Variants in SGCG observed in about 807,000 individuals in gnomAD.
SGCG encodes the protein sarcoglycan gamma, also known as gamma-sarcoglycan.
Under a neutral mutation model 29.3 loss-of-function variants are expected in SGCG, and 26 were observed. The observed-to-expected ratio is 0.89, with a 90% CI of 0.65 to 1.23. The LOEUF (loss-of-function observed/expected upper bound fraction) is 1.23. SGCG is among the 50% of genes most tolerant of loss of function. The pLI is 0.00. For missense variants in SGCG, 353 were observed against 356.0 expected (o/e 0.99, Z 0.07); for synonymous variants, 145 against 129.7 (o/e 1.12, Z -0.80).
At chr13:23,292,120 T>C (rs1416646648) in intron 5 of SGCG, among the ~76,000 whole-genome samples, 2 of 111,540 alleles carry the variant, frequency 1.8e-5, no homozygotes, top group Non-Finnish European at 4.0e-5. Flanking sequence ...CATTTCTTTC[T>C]TTTTTTTGAG....
intron 7 of SGCG, among the ~76,000 whole-genome samples, chr13:23,321,447 A>C (rs1883038870): frequency 6.6e-6 from 1 of 152,230 alleles, no homozygotes; most frequent in Admixed American, 6.5e-5. Context: ...ACTCACAATA[A>C]AATGAAGTGA....
At chr13:23,262,761 A>G (rs898172572) in intron 4 of SGCG, among the ~76,000 whole-genome samples, 1 of 152,044 alleles carries the variant, frequency 6.6e-6, no homozygotes, top group Non-Finnish European at 1.5e-5. Flanking sequence ...TAGGCCACAA[A>G]CCAAGTCTCA....
At position 23,296,933 on chromosome 13, in the gene SGCG, T is replaced by C. The variant is rs543344076; in HGVS notation, c.578+1446T>C. The stretch of plus-strand genomic sequence containing the variant: ...AAACCAAATAATATTTTAAATGGTC[T>C]TAAAGTTCATGCTATCACTTAAAAT... On this transcript the variant is annotated intron_variant, in intron 6 of 7. Transcript: ENST00000218867. Among the ~76,000 whole-genome samples, 5 of 152,328 alleles carry C rather than the reference T, an allele frequency of 3.3e-5. No homozygotes were observed. The South Asian group carries it at 1.0e-3, about 32-fold the overall frequency.
chr13:23,231,619 C>A (rs1037360155), intron 2 of SGCG, among the ~76,000 whole-genome samples: 1 of 152,116 alleles, frequency 6.6e-6, no homozygotes, highest in African/African-American at 2.4e-5. Context: ...GCCATAAAAT[C>A]TTTAATGGAA....
intron 1 of SGCG, among the ~76,000 whole-genome samples, chr13:23,201,616 C>T (rs1471858941): frequency 6.6e-6 from 1 of 152,108 alleles, no homozygotes; most frequent in South Asian, 2.1e-4. Flanking sequence ...GCCTTGCCCA[C>T]GCTTTCATTA....
intron 1 of SGCG, among the ~76,000 whole-genome samples, chr13:23,189,187 G>C (rs1877136878): frequency 6.6e-6 from 1 of 152,142 alleles, no homozygotes; most frequent in African/African-American, 2.4e-5. Flanking sequence ...CCAGGGAAAT[G>C]ACCGTTTGGT....
At chr13:23,188,784 A>G (rs1207617410) in intron 1 of SGCG, among the ~76,000 whole-genome samples, 1 of 152,148 alleles carries the variant, frequency 6.6e-6, no homozygotes, top group Non-Finnish European at 1.5e-5. Context: ...TCATGGGCCT[A>G]TGAAGCTCTG....
In SGCG at chr13:23,260,445, A is replaced by T. The variant is rs9550941; in HGVS notation, c.385+9728A>T. ...ATTTTGAGCCTGTGTATGTCTCTGC[A>T]CATGAGATGTGTCTCCTGAATACAG... On this transcript the variant is annotated intron_variant, in intron 4 of 7. Coordinates refer to ENST00000218867, the MANE Select transcript of SGCG (RefSeq NM_000231.3). Among the ~76,000 whole-genome samples the T allele has an allele frequency of 1.9e-4, 29 of 152,172 alleles. No homozygotes were observed. The East Asian group carries it at 3.5e-3, about 18-fold the overall frequency.
At chr13:23,194,950 T>C (rs1877427974) in intron 1 of SGCG, among the ~76,000 whole-genome samples, 2 of 152,224 alleles carry the variant, frequency 1.3e-5, no homozygotes, top group South Asian at 2.1e-4. Flanking sequence ...GGGTTGCAGC[T>C]GAGCTTCCAA....
In SGCG at chr13:23,239,396, G is replaced by A. The variant is rs146526812; in HGVS notation, c.297+4684G>A. 1.5e-3 allele frequency among the ~76,000 whole-genome samples: 235 copies of A among 152,146 alleles called. 4 individuals are homozygous for A. The highest frequency in any genetic ancestry group is 5.4e-3 in the African/African-American group (223 of 41,512). ...AGCAAAAGTATCTTTAAAAGACAAA[G>A]TCAAAATAAAGACTTTTTTGGACTT... On this transcript the variant is annotated intron_variant, in intron 3 of 7. Coordinates refer to ENST00000218867, the MANE Select transcript of SGCG (RefSeq NM_000231.3).
chr13:23,218,420 G>T (rs941620561), intron 2 of SGCG, among the ~76,000 whole-genome samples: 2 of 152,028 alleles, frequency 1.3e-5, no homozygotes, highest in African/African-American at 2.4e-5. Flanking sequence ...ATATAAACTG[G>T]TACATTCAGT....
intron 5 of SGCG, among the ~76,000 whole-genome samples, chr13:23,289,183 ACTGT>A (rs1357628163): frequency 2.0e-5 from 3 of 152,218 alleles, no homozygotes; most frequent in Non-Finnish European, 4.4e-5. Flanking sequence ...GGCACAGAAC[ACTGT>A]CTGATGCAGC....
intron 4 of SGCG, among the ~76,000 whole-genome samples, chr13:23,252,013 C>T (rs1879987604): frequency 1.3e-5 from 2 of 152,168 alleles, no homozygotes; most frequent in Admixed American, 1.3e-4. Flanking sequence ...TGCTTTATAA[C>T]TTATTCTTGA....
At chr13:23,248,680 C>G (rs7323463) in intron 3 of SGCG, among the ~76,000 whole-genome samples, 25,926 of 145,546 alleles carry the variant, frequency 0.18, 3,234 homozygotes, top group African/African-American at 0.36. Context: ...GGCGGCGGAA[C>G]TAGACTCCGT....
intron 4 of SGCG, among the ~76,000 whole-genome samples, chr13:23,278,188 C>T (rs1371354211): frequency 6.6e-6 from 1 of 151,892 alleles, no homozygotes; most frequent in Non-Finnish European, 1.5e-5. Flanking sequence ...TCACACCTGT[C>T]ATCCTAGCAC....
chr13:23,212,850 T>C (rs1878278383), intron 2 of SGCG, among the ~76,000 whole-genome samples: 1 of 152,166 alleles, frequency 6.6e-6, no homozygotes, highest in African/African-American at 2.4e-5. Context: ...TAGGGTCATC[T>C]AAAGTTTAAA....
At chr13:23,313,154 A>G (rs1882667392) in intron 6 of SGCG, among the ~76,000 whole-genome samples, 1 of 144,464 alleles carries the variant, frequency 6.9e-6, no homozygotes, top group Admixed American at 7.6e-5. Context: ...TTTTTCAGTA[A>G]GTTTTCTTCT....
At chr13:23,259,684 G>A (rs1880350165) in intron 4 of SGCG, among the ~76,000 whole-genome samples, 1 of 152,168 alleles carries the variant, frequency 6.6e-6, no homozygotes, top group African/African-American at 2.4e-5. Flanking sequence ...GGCATTTAGT[G>A]CTATAAATTT....
At chr13:23,225,903 G>A (rs1420398778) in intron 2 of SGCG, among the ~76,000 whole-genome samples, 1 of 151,812 alleles carries the variant, frequency 6.6e-6, no homozygotes, top group East Asian at 1.9e-4. Context: ...AATATCACAG[G>A]GTTTAACCTG....
Sources: allele counts gnomAD v4.1 joint callset (sites outside exome capture counted in the v4.1 genomes callset), GRCh38; gene constraint gnomAD v4.1.1; transcripts MANE v1.5; gene names NCBI Gene and HGNC (gene_info 2026-07-23, HGNC 2026-07-21).